The following VAV3 variants were observed in gnomAD, a reference collection of about 807,000 sequenced individuals.
VAV3 encodes the protein guanine nucleotide exchange factor VAV3.
In VAV3, 94 loss-of-function variants were observed where a neutral mutation model predicts 131.2. The ratio of observed to expected loss-of-function variants is 0.72; its 90% confidence interval spans 0.61 to 0.85. VAV3 has a LOEUF of 0.85. VAV3 is among the 40% of genes least tolerant of loss of function. VAV3 has a pLI of 0.00. For missense variants in VAV3, 939 were observed against 1,002.7 expected, an observed-to-expected ratio of 0.94 and a Z score of 0.86; for synonymous variants, 349 against 342.0, an observed-to-expected ratio of 1.02 and a Z score of -0.22.
At chr1:107,827,773 C>T (rs1668077967) in intron 2 of VAV3, among the ~76,000 whole-genome samples, 1 of 152,118 alleles carries the variant, frequency 6.6e-6, no homozygotes, top group Admixed American at 6.6e-5. Context: ...TTATTTGAAA[C>T]AGTCTTATTT....
intron 2 of VAV3, among the ~76,000 whole-genome samples, chr1:107,790,139 T>A (rs1313841158): frequency 6.6e-6 from 1 of 152,228 alleles, no homozygotes; most frequent in Non-Finnish European, 1.5e-5. Context: ...TAGAAGCCCA[T>A]GGCCTCTTCA....
At chr1:107,639,142 A>G (rs967399895) in intron 20 of VAV3, among the ~76,000 whole-genome samples, 1 of 151,920 alleles carries the variant, frequency 6.6e-6, no homozygotes, top group African/African-American at 2.4e-5. Context: ...CCACATGTAA[A>G]AAAACCTTAG....
chr1:107,784,718 C>T (rs13374478), intron 2 of VAV3, among the ~76,000 whole-genome samples: 46,427 of 152,028 alleles, frequency 0.31, 7,727 homozygotes, highest in Non-Finnish European at 0.37. Flanking sequence ...ACCTAGTTCA[C>T]AGACAGGCTC....
At chr1:107,760,930 G>A (rs768893307) in intron 9 of VAV3, 51 bp from the exon 10 acceptor site, 1 of 1,323,810 alleles carries the variant, frequency 7.6e-7, no homozygotes, top group Non-Finnish European at 1.1e-6. Context: ...AACATTAAAA[G>A]ATGCAAAGGC....
chr1:107,731,443 C>G (rs1002346187), intron 15 of VAV3, among the ~76,000 whole-genome samples: 4 of 152,094 alleles, frequency 2.6e-5, no homozygotes, highest in Non-Finnish European at 5.9e-5. Context: ...ATGTTTTAAG[C>G]CTGGACTTAG....
intron 19 of VAV3, chr1:107,669,280 G>A (rs1657615173): frequency 1.6e-6 from 2 of 1,282,240 alleles, no homozygotes; most frequent in East Asian, 5.6e-5. Context: ...CCTTCGCTGT[G>A]TAAGTGGGGA....
chr1:107,775,269 C>T (rs1450604309), intron 4 of VAV3, among the ~76,000 whole-genome samples: 1 of 151,998 alleles, frequency 6.6e-6, no homozygotes, highest in African/African-American at 2.4e-5. Flanking sequence ...AGGTGTAAGT[C>T]ACCACTGGTA....
intron 1 of VAV3, among the ~76,000 whole-genome samples, chr1:107,956,931 A>C (rs940892173): frequency 2.6e-5 from 4 of 152,172 alleles, no homozygotes; most frequent in Non-Finnish European, 2.9e-5. Context: ...TATTTAAGCT[A>C]AGTAGGAAGG....
intron 2 of VAV3, among the ~76,000 whole-genome samples, chr1:107,863,789 G>A (rs564549593): frequency 3.9e-5 from 6 of 152,256 alleles, no homozygotes; most frequent in African/African-American, 1.4e-4. Flanking sequence ...TTGATCTATA[G>A]AGGAATCCTT....
chr1:107,797,944 G>A (rs1051204787), intron 2 of VAV3, among the ~76,000 whole-genome samples: 2 of 152,184 alleles, frequency 1.3e-5, no homozygotes, highest in Non-Finnish European at 2.9e-5. Context: ...AGCTGTTGAT[G>A]CTGCTGGTCC....
At chr1:107,650,723 C>T (rs12757545) in intron 19 of VAV3, among the ~76,000 whole-genome samples, 41,396 of 121,956 alleles carry the variant, frequency 0.34, 8,324 homozygotes, top group East Asian at 0.6. Flanking sequence ...CCCCCCACCC[C>T]ACAACAGTCC....
intron 22 of VAV3, among the ~76,000 whole-genome samples, chr1:107,607,403 C>A (rs554362417): frequency 2.6e-4 from 40 of 152,100 alleles, no homozygotes; most frequent in Non-Finnish European, 5.6e-4. Context: ...GTATATGGGA[C>A]CCAGCTGTCA....
intron 1 of VAV3, among the ~76,000 whole-genome samples, chr1:107,916,645 T>C (rs1672633985): frequency 6.6e-6 from 1 of 152,220 alleles, no homozygotes. Context: ...CAACACATGA[T>C]TCCCTGTAAA....
chr1:107,645,791 G>C (rs749151210), intron 19 of VAV3, among the ~76,000 whole-genome samples: 4 of 152,054 alleles, frequency 2.6e-5, no homozygotes, highest in Non-Finnish European at 4.4e-5. Context: ...TTCATATTTC[G>C]AACAGTCATT....
At chr1:107,741,752 T>A (rs1663036306) in intron 15 of VAV3, among the ~76,000 whole-genome samples, 1 of 152,138 alleles carries the variant, frequency 6.6e-6, no homozygotes, top group South Asian at 2.1e-4. Context: ...ACCCTAAAAC[T>A]GGAATCTGGG....
chr1:107,820,843 A>C (rs1667765398), intron 2 of VAV3: 1 of 152,160 alleles, frequency 6.6e-6, no homozygotes, highest in Non-Finnish European at 1.5e-5. Flanking sequence ...ACTTAGAAGA[A>C]AAAATAGGAG....
intron 17 of VAV3, among the ~76,000 whole-genome samples, chr1:107,690,353 G>A (rs1318820478): frequency 2.0e-5 from 3 of 152,036 alleles, no homozygotes; most frequent in East Asian, 1.9e-4. Flanking sequence ...AAGTAGCTAC[G>A]GAGACACTTG....
chr1:107,675,745 C>T (rs916345396), intron 19 of VAV3, among the ~76,000 whole-genome samples: 13 of 151,970 alleles, frequency 8.6e-5, no homozygotes, highest in Non-Finnish European at 1.2e-4. Flanking sequence ...TTCTCTAATC[C>T]GATAAACCAA....
chr1:107,923,220 TG>T (rs1387093202), intron 1 of VAV3, among the ~76,000 whole-genome samples: 1 of 152,246 alleles, frequency 6.6e-6, no homozygotes, highest in African/African-American at 2.4e-5. Flanking sequence ...TCTGTGCGTT[TG>T]GGTTTTGTTT....
Sources: gnomAD v4.1 joint callset for allele counts (sites outside exome capture counted in the v4.1 genomes callset) on GRCh38, gnomAD v4.1.1 for gene constraint, MANE v1.5 for transcripts, NCBI Gene and HGNC (gene_info 2026-07-23, HGNC 2026-07-21) for gene names.